The following FMNL2 variants were observed in gnomAD, a reference collection of about 807,000 sequenced individuals.
The protein encoded by FMNL2 is formin like 2.
Under a neutral mutation model 130.2 loss-of-function variants are expected in FMNL2, and 51 were observed. The ratio of observed to expected loss-of-function variants is 0.39; its 90% CI spans 0.31 to 0.49. The LOEUF is 0.49. Among genes scored for constraint, FMNL2 ranks in the 20% least tolerant of loss-of-function variants. The pLI is 0.85. For missense variants in FMNL2, 977 were observed against 1,316.2 expected, an observed-to-expected ratio of 0.74 and a Z score of 3.99; for synonymous variants, 465 against 467.1, an observed-to-expected ratio of 1.00 and a Z score of 0.06.
At chr2:152,534,805 A>G (rs140686187) in intron 2 of FMNL2, among the ~76,000 whole-genome samples, 15 of 152,288 alleles carry the variant, frequency 9.8e-5, no homozygotes, top group African/African-American at 3.4e-4. Flanking sequence ...ACTAGAATAA[A>G]TTCTCGCTAG....
At chr2:152,640,992 GCTT>G in intron 25 of FMNL2, 78 bp downstream of exon 25, 1 of 1,584,790 alleles carries the variant, frequency 6.3e-7, no homozygotes, top group South Asian at 1.1e-5. Context: ...AGATTTTGCA[GCTT>G]CTTTTGTCCA....
intron 1 of FMNL2, among the ~76,000 whole-genome samples, chr2:152,510,650 CACTT>C (rs765687416): frequency 6.6e-6 from 1 of 152,212 alleles, no homozygotes; most frequent in Non-Finnish European, 1.5e-5. Context: ...CAGATGCAAA[CACTT>C]ACTTCATGGT....
At chr2:152,575,365 C>T in intron 7 of FMNL2, 121 bp downstream of exon 7, 1 of 514,214 alleles carries the variant, frequency 1.9e-6, no homozygotes, top group Non-Finnish European at 3.3e-6. Flanking sequence ...ACTTCATCAT[C>T]CTACAATTTA....
chr2:152,540,767 A>G (rs1305398494), intron 2 of FMNL2, among the ~76,000 whole-genome samples: 2 of 151,946 alleles, frequency 1.3e-5, no homozygotes, highest in African/African-American at 4.8e-5. Context: ...GGTGCAGCGC[A>G]CCAGCATGGC....
At chr2:152,388,213 GA>G (rs1443745582) in intron 1 of FMNL2, among the ~76,000 whole-genome samples, 1 of 152,128 alleles carries the variant, frequency 6.6e-6, no homozygotes, top group Admixed American at 6.5e-5. Context: ...AATGACTCAA[GA>G]AAAGCAATCA....
intron 15 of FMNL2, among the ~76,000 whole-genome samples, chr2:152,624,680 A>G (rs1681650744): frequency 6.6e-6 from 1 of 152,100 alleles, no homozygotes; most frequent in Admixed American, 6.5e-5. Context: ...TCTACAATAA[A>G]TATAAAAATT....
intron 6 of FMNL2, among the ~76,000 whole-genome samples, chr2:152,573,681 C>T (rs1433877020): frequency 6.6e-6 from 1 of 152,022 alleles, no homozygotes; most frequent in African/African-American, 2.4e-5. Context: ...CAGATACTAC[C>T]TTTTATTACT....
intron 1 of FMNL2, among the ~76,000 whole-genome samples, chr2:152,480,029 A>C (rs1332222484): frequency 2.0e-5 from 3 of 152,142 alleles, no homozygotes; most frequent in African/African-American, 4.8e-5. Flanking sequence ...CATATACTTA[A>C]ATGGGATGCC....
At chr2:152,390,137 G>T in intron 1 of FMNL2, 5 of 1,275,356 alleles carry the variant, frequency 3.9e-6, no homozygotes, top group Non-Finnish European at 5.7e-6. Context: ...TAGGCAACGG[G>T]GCAGACCTGC....
chr2:152,390,176 G>T, intron 1 of FMNL2: 3 of 1,305,656 alleles, frequency 2.3e-6, no homozygotes, highest in Non-Finnish European at 3.3e-6. Context: ...AGAGCCTGTC[G>T]GAGCTGGACC....
intron 10 of FMNL2, among the ~76,000 whole-genome samples, chr2:152,610,390 T>A (rs1455890106): frequency 6.6e-6 from 1 of 152,148 alleles, no homozygotes; most frequent in Non-Finnish European, 1.5e-5. Flanking sequence ...TGTACAATCC[T>A]TACCACAATT....
chr2:152,525,214 G>T lies in FMNL2; in HGVS notation c.201+3188G>T, dbSNP rs11904088. 1.3e-5 allele frequency among the ~76,000 whole-genome samples: 2 copies of T among 151,946 alleles called. 1 individual carries two copies. The highest frequency in any genetic ancestry group is 2.9e-5 in the Non-Finnish European group (2 of 67,990). ...TGAAGCAAAAATTATAGTAGGTAAG[G>T]GTTTCTTACCGAAGTTTTGTGTGTG... On this transcript the variant is annotated intron_variant, in intron 2 of 25. Coordinates refer to ENST00000288670, the MANE Select transcript of FMNL2 (RefSeq NM_052905.4).
At chr2:152,579,184 G>C (rs1177502028) in intron 8 of FMNL2, among the ~76,000 whole-genome samples, 1 of 152,160 alleles carries the variant, frequency 6.6e-6, no homozygotes, top group Non-Finnish European at 1.5e-5. Context: ...GCCCTTCACT[G>C]TTCTCCTCAA....
At chr2:152,575,068 T>C (rs1696400597) in intron 6 of FMNL2, 68 bp from the exon 7 acceptor site, 1 of 882,990 alleles carries the variant, frequency 1.1e-6, no homozygotes, top group African/African-American at 1.7e-5. Flanking sequence ...GTAGTGTCTG[T>C]TAAGTGCATG....
intron 9 of FMNL2, among the ~76,000 whole-genome samples, chr2:152,599,754 C>T (rs1697956209): frequency 6.6e-6 from 1 of 152,104 alleles, no homozygotes; most frequent in South Asian, 2.1e-4. Flanking sequence ...GGAGAGTTGA[C>T]TAGGTTATAG....
chr2:152,337,232 C>T (rs573349111), intron 1 of FMNL2, among the ~76,000 whole-genome samples: 1 of 152,298 alleles, frequency 6.6e-6, no homozygotes, highest in Admixed American at 6.5e-5. Flanking sequence ...AGGCATAACT[C>T]TCAAGGCGGC....
intron 1 of FMNL2, among the ~76,000 whole-genome samples, chr2:152,350,999 C>T (rs981676129): frequency 6.6e-6 from 1 of 152,040 alleles, no homozygotes; most frequent in African/African-American, 2.4e-5. Context: ...GAGCTGAGAT[C>T]ACACCACTGC....
intron 1 of FMNL2, among the ~76,000 whole-genome samples, chr2:152,421,098 G>C (rs753320585): frequency 6.6e-6 from 1 of 152,074 alleles, no homozygotes. Flanking sequence ...ATGAAACAAC[G>C]CCCTGCCCAG....
intron 1 of FMNL2, among the ~76,000 whole-genome samples, chr2:152,346,225 A>G (rs1395750846): frequency 3.3e-5 from 5 of 151,974 alleles, no homozygotes; most frequent in African/African-American, 9.7e-5. Flanking sequence ...GGGTTTCATC[A>G]TGTTGCCCAA....
Sources: gnomAD v4.1 joint callset for allele counts (sites outside exome capture counted in the v4.1 genomes callset) on GRCh38, gnomAD v4.1.1 for gene constraint, MANE v1.5 for transcripts, NCBI Gene and HGNC (gene_info 2026-07-23, HGNC 2026-07-21) for gene names.